KANSL1: variants seen among roughly 807,000 people sequenced by gnomAD.
KANSL1 encodes the protein MLL1/MLL complex subunit KANSL1.
KANSL1 carries 22 observed loss-of-function variants against 103.6 expected under a neutral mutation model. That is an observed-to-expected ratio of 0.21 (90% CI 0.15 to 0.30). KANSL1 has a LOEUF of 0.30. Ranked by LOEUF, KANSL1 falls within the 10% of genes least tolerant of loss-of-function variation. The probability of loss-of-function intolerance (pLI) is 1.00; values close to 1 mark genes in which losing one functional copy is unlikely to be tolerated. For synonymous variants in KANSL1, 600 were observed against 527.6 expected (o/e 1.14, Z -1.88); for missense variants, 1,337 against 1,399.8 (o/e 0.96, Z 0.72).
At chr17:46,117,773 T>C (rs1419887820) in intron 2 of KANSL1, among the ~76,000 whole-genome samples, 3 of 152,238 alleles carry the variant, frequency 2.0e-5, no homozygotes, top group Admixed American at 2.0e-4. Flanking sequence ...ATTTTAATTA[T>C]GCTTTTAAAA....
chr17:46,163,026 A>G (rs2045824898), intron 2 of KANSL1, among the ~76,000 whole-genome samples: 1 of 152,160 alleles, frequency 6.6e-6, no homozygotes, highest in Non-Finnish European at 1.5e-5. Flanking sequence ...TCACCATCAC[A>G]TCCCCATCAC....
At chr17:46,096,139 T>C (rs75271045) in intron 2 of KANSL1, among the ~76,000 whole-genome samples, 22 of 113,248 alleles carry the variant, frequency 1.9e-4, no homozygotes, top group Non-Finnish European at 3.2e-4. Context: ...ATACTGTATT[T>C]TTTTTTTTTT....
At position 46,118,246 on chromosome 17, in the gene KANSL1, A is replaced by C. The variant is rs2043129691; in HGVS notation, c.1290-23545T>G. ...TTTCTTCGGCCTTCACAAGTGTGTC[A>C]AAAAAAATTCAGTAAGTTGCCAGCA... On this transcript the variant is annotated intron_variant, in intron 2 of 14. Transcript: ENST00000432791. 2.7e-5 allele frequency among the ~76,000 whole-genome samples: 3 copies of C among 112,870 alleles called. No individual in the cohort carries two copies. In the South Asian group the frequency reaches 7.3e-4, roughly 27 times the overall value. The allele number at this position is 112,870 out of a possible 152,430, so 74.0% of individuals were successfully genotyped here. A position where few individuals can be genotyped will look rare whatever the true frequency, so the allele number is the denominator to read the frequency against.
At chr17:46,091,481 T>C (rs997379644) in intron 3 of KANSL1, among the ~76,000 whole-genome samples, 6 of 152,166 alleles carry the variant, frequency 3.9e-5, no homozygotes, top group Non-Finnish European at 7.4e-5. Context: ...TTTATAGTAG[T>C]GTACAGTCAT....
At chr17:46,180,876 T>C (rs892620736) in intron 1 of KANSL1, among the ~76,000 whole-genome samples, 1 of 151,884 alleles carries the variant, frequency 6.6e-6, no homozygotes, top group African/African-American at 2.4e-5. Flanking sequence ...CACACACATA[T>C]ATATGTATAT....
intron 2 of KANSL1, among the ~76,000 whole-genome samples, chr17:46,096,297 C>T (rs1433289110): frequency 2.7e-5 from 3 of 109,616 alleles, no homozygotes; most frequent in African/African-American, 6.6e-5. Flanking sequence ...ATACTACATA[C>T]CTGGCTTTTT....
rs370478201 is a variant in KANSL1, at chr17:46,089,565, C to CAAA, written c.1431+4992_1431+4994dup. ...TTCAGCCTATCACCTAGGTTCATCT[C>CAAA]AAAAAAAAAAAAAAGACCTGTGCAA... On this transcript the variant is annotated intron_variant, in intron 3 of 14. Transcript: ENST00000432791. 8.4e-4 allele frequency among the ~76,000 whole-genome samples: 106 copies of CAAA among 126,728 alleles called. 2 individuals carry two copies. Among genetic ancestry groups the CAAA allele is most frequent in the African/African-American group, 1.3e-3 (44 of 32,726 alleles). 83.1% of individuals were successfully genotyped at this position (126,728 alleles called of 152,430 possible).
intron 2 of KANSL1, among the ~76,000 whole-genome samples, chr17:46,125,085 AGAGGGAGGGAGGGAGAGAGGGAGGGAGG>A (rs2043485675): frequency 2.9e-5 from 1 of 33,936 alleles, no homozygotes; most frequent in Non-Finnish European, 4.9e-5. Flanking sequence ...AGGGAGGGAG[AGAGGGAGGGAGGGAGAGAGGGAGGGAGG>A]GAGGGAGGGA....
intron 2 of KANSL1, among the ~76,000 whole-genome samples, chr17:46,095,059 T>G (rs955726549): frequency 1.3e-5 from 2 of 152,166 alleles, no homozygotes; most frequent in Non-Finnish European, 2.9e-5. Context: ...TAAGAATTAT[T>G]AAAACTAATA....
intron 11 of KANSL1, 79 bp downstream of exon 11, chr17:46,034,082 C>T (rs2077084171): frequency 3.2e-6 from 5 of 1,551,946 alleles, no homozygotes; most frequent in Non-Finnish European, 4.4e-6. Flanking sequence ...TAGGGCCCAA[C>T]TCTTGGTCAG....
chr17:46,061,452 T>C (rs2078154845), intron 6 of KANSL1, among the ~76,000 whole-genome samples: 1 of 152,134 alleles, frequency 6.6e-6, no homozygotes, highest in African/African-American at 2.4e-5. Flanking sequence ...ATAAGAACTT[T>C]CCACTGGAGT....
intron 2 of KANSL1, among the ~76,000 whole-genome samples, chr17:46,105,865 TCACACACACACA>T (rs373943708): frequency 4.5e-5 from 6 of 134,592 alleles, no homozygotes; most frequent in Non-Finnish European, 9.4e-5. Context: ...AGCAAGACCT[TCACACACACACA>T]CACACACACA....
intron 2 of KANSL1, among the ~76,000 whole-genome samples, chr17:46,157,557 T>C (rs978224599): frequency 4.6e-5 from 7 of 152,370 alleles, no homozygotes; most frequent in Middle Eastern, 6.8e-3. Flanking sequence ...TCACCTCACA[T>C]TTCTCAACTC....
At chr17:46,047,916 C>T (rs1439497322) in intron 7 of KANSL1, among the ~76,000 whole-genome samples, 1 of 151,906 alleles carries the variant, frequency 6.6e-6, no homozygotes, top group Non-Finnish European at 1.5e-5. Context: ...CCCCACTCCC[C>T]CCGCCACCAA....
intron 4 of KANSL1, among the ~76,000 whole-genome samples, chr17:46,079,554 T>TA (rs1390073863): frequency 6.6e-6 from 1 of 152,250 alleles, no homozygotes; most frequent in African/African-American, 2.4e-5. Flanking sequence ...TATAGGATAT[T>TA]AATAACTTTT....
At position 46,159,308 on chromosome 17, in the gene KANSL1, G is replaced by A. The variant is rs138330723; in HGVS notation, c.1289+11547C>T. On this transcript the variant is annotated intron_variant, in intron 2 of 14. Transcript: ENST00000432791. ...TTAAAAGTGAGGAACTCGAGCCTAG[G>A]TAGACAAAATGTAACAATTCTTAAC... Among the ~76,000 whole-genome samples the A allele has an allele frequency of 3.3e-5, 5 of 152,332 alleles. No individual in the cohort carries two copies. The East Asian group carries it at 9.6e-4, about 29-fold the overall frequency.
chr17:46,221,002 T>TC, intron 1 of KANSL1, among the ~76,000 whole-genome samples: 1 of 152,114 alleles, frequency 6.6e-6, no homozygotes, highest in Non-Finnish European at 1.5e-5. Flanking sequence ...AGATCTTTTT[T>TC]TTTTTTTTTT....
chr17:46,126,239 C>T (rs960743195), intron 2 of KANSL1, among the ~76,000 whole-genome samples: 3 of 152,224 alleles, frequency 2.0e-5, no homozygotes, highest in South Asian at 2.1e-4. Context: ...GTCAGGAGTT[C>T]GAGACCAGCC....
intron 1 of KANSL1, among the ~76,000 whole-genome samples, chr17:46,191,089 G>C (rs2047295255): frequency 6.6e-6 from 1 of 152,122 alleles, no homozygotes; most frequent in Admixed American, 6.5e-5. Flanking sequence ...AAAATGTCTA[G>C]TAACCTATGT....
Sources: allele counts gnomAD v4.1 joint callset (sites outside exome capture counted in the v4.1 genomes callset), GRCh38; gene constraint gnomAD v4.1.1; transcripts MANE v1.5; gene names NCBI Gene and HGNC (gene_info 2026-07-23, HGNC 2026-07-21).